The following ITPR3 variants were observed in gnomAD, a reference collection of about 807,000 sequenced individuals.
The protein encoded by ITPR3 is inositol 1,4,5-trisphosphate-gated calcium channel ITPR3.
In ITPR3, 173 loss-of-function variants were observed where a neutral mutation model predicts 293.2. The observed-to-expected ratio is 0.59, with a 90% CI of 0.52 to 0.67. The LOEUF is 0.67. Among genes scored for constraint, ITPR3 ranks in the 30% least tolerant of loss-of-function variants. The pLI is 0.00. For missense variants in ITPR3, 2,796 were observed against 3,592.1 expected, an observed-to-expected ratio of 0.78 and a Z score of 5.66; for synonymous variants, 1,295 against 1,444.4, an observed-to-expected ratio of 0.90 and a Z score of 2.35.
chr6:33,690,140 G>C lies in ITPR3; in HGVS notation c.6974G>C (p.Gly2325Ala), dbSNP rs1436838600. The C allele has an allele frequency of 1.9e-6, 3 of 1,614,118 alleles. No individual in the cohort carries two copies. The South Asian group carries it at 3.3e-5, about 18-fold the overall frequency. ...VMDMEFLYHVGYILTSVLGLF... is the reference protein window; with the variant it reads ...VMDMEFLYHVAYILTSVLGLF... The stretch of plus-strand genomic sequence containing the variant: ...GACATGGAATTCCTCTACCACGTGG[G>C]CTACATCCTGACCAGTGTCCTGGGC... The change falls in exon 51 of 58, where the codon GGC (glycine) becomes GCC (alanine). Residue 2325 changes from glycine to alanine, a missense_variant. Physicochemically the swap from Gly to Ala is moderately conservative, Grantham distance 60. Around this residue, in one of 8 missense-constraint regions of ITPR3, gnomAD observed 568 missense variants for 796.1 expected, o/e 0.71. Coordinates refer to ENST00000605930, the MANE Select transcript of ITPR3 (RefSeq NM_002224.4).
rs754842346 is a variant in ITPR3 at position 33,675,724 on chromosome 6, G to C, written c.3150G>C (p.Glu1050Asp). ...KTSSMLEVDD[E>D]GGRMFLRVLI... ...GCAGCATGCTGGAGGTGGATGACGA[G>C]GGCGGCCGCATGTTCCTGCGCGTGC... Residue 1050 changes from glutamate to aspartate, a missense_variant, in exon 25 of 58, where the codon GAG (glutamate) becomes GAC (aspartate). Physicochemically the swap from Glu to Asp is conservative, Grantham distance 45. This residue lies in a region of ITPR3 where 955 missense variants were observed against 1,180.8 expected (regional missense o/e 0.81). Transcript: ENST00000605930. The surrounding 1 kb of genome is among the most constrained non-coding windows in gnomAD (Gnocchi z 5.0). 1 of 1,610,594 alleles carries C rather than the reference G, an allele frequency of 6.2e-7. No individual in the cohort carries two copies. The highest frequency in any genetic ancestry group is 1.3e-5 in the African/African-American group (1 of 74,900).
At chr6:33,671,425 G>A (rs935595420) in intron 21 of ITPR3, 119 bp downstream of exon 21, 14 of 702,348 alleles carry the variant, frequency 2.0e-5, no homozygotes, top group Admixed American at 1.1e-4. Context: ...ACCTGGCTCT[G>A]CCTCAAGGGG....
chr6:33,686,661 A>AGTGTGTG, intron 43 of ITPR3, 142 bp downstream of exon 43: 1 of 708,544 alleles, frequency 1.4e-6, no homozygotes. Flanking sequence ...TGGATGCACA[A>AGTGTGTG]GTGTGTGGTG....
Position 33,621,689 on chromosome 6 carries a change from G to A in ITPR3, c.87G>A (p.Leu29=), listed in dbSNP as rs766074329. Residue 29 remains leucine, a splice_region_variant and synonymous_variant, in exon 1 of 58, where the codon TTG becomes TTA. Coordinates refer to ENST00000605930, the MANE Select transcript of ITPR3 (RefSeq NM_002224.4). The surrounding 1 kb of genome is among the most constrained non-coding windows in gnomAD (Gnocchi z 7.7). ...EGSVNGFIST[L]GLVDDRCVVE... ...CCGTCAATGGCTTCATCAGCACTTT[G>A]GGGTGAGTGAGCCGAGCTCGAGAGG... The A allele has an allele frequency of 1.9e-5, 31 of 1,604,696 alleles. No individual in the cohort carries two copies. The highest frequency in any genetic ancestry group is 2.6e-5 in the Non-Finnish European group (31 of 1,175,498).
Position 33,688,423 on chromosome 6 carries a change from A to T in ITPR3, c.6560A>T (p.Lys2187Met). The change falls in exon 48 of 58, where the codon AAG becomes ATG. Residue 2187 changes from lysine to methionine, a missense_variant. Lys to Met is a moderately conservative substitution (Grantham distance 95). Transcript: ENST00000605930. ...CACAACGAGATGGAGTGGCAGCGCA[A>T]GCTCCGCAGTGAGGACCCACGGGCG... ...FLHNEMEWQR[K>M]LRSMPLIYWF... 1.1e-6 allele frequency: 1 copy of T among 899,478 alleles called. No homozygotes were observed. Among genetic ancestry groups the T allele is most frequent in the Non-Finnish European group, 1.6e-6 (1 of 629,006 alleles). The allele number at this position is 899,478 out of a possible 1,614,324, so 55.7% of individuals were successfully genotyped here.
At chr6:33,628,495 G>A (rs781601630) in intron 1 of ITPR3, among the ~76,000 whole-genome samples, 5 of 152,242 alleles carry the variant, frequency 3.3e-5, no homozygotes, top group Admixed American at 6.5e-5. Flanking sequence ...CACGCAGCAG[G>A]GGACTGAGAA....
In ITPR3 at chr6:33,664,857, C is replaced by T. The variant is rs1195412065; in HGVS notation, c.1149-13C>T. On this transcript the variant is annotated splice_polypyrimidine_tract_variant and intron_variant, in intron 11 of 57. Transcript: ENST00000605930. This position sits in a 1 kb window ranked among gnomAD's most constrained non-coding sequence, Gnocchi z 4.4. ...TGCACTCCCCGAGTCCTTTCCCTCC[C>T]ACCCACCTGCAGGAACTCGTACGTC... 21 of 1,612,304 alleles carry T rather than the reference C, an allele frequency of 1.3e-5. No individual in the cohort carries two copies. Among genetic ancestry groups the T allele is most frequent in the Non-Finnish European group, 1.8e-5 (21 of 1,179,246 alleles).
Position 33,686,141 on chromosome 6 carries a change from C to T in ITPR3, c.5756C>T (p.Thr1919Met), listed in dbSNP as rs764285037. The T allele has an allele frequency of 1.2e-6, 2 of 1,614,156 alleles. No individual in the cohort carries two copies. Among genetic ancestry groups the T allele is most frequent in the Non-Finnish European group, 1.7e-6 (2 of 1,180,016 alleles). ...CTGGACATCATGTGCGGCAGCACCACGGGCGGCCTGGGGCTGCTGGGGCTC... is the reference window on the plus strand; with the variant it reads ...CTGGACATCATGTGCGGCAGCACCATGGGCGGCCTGGGGCTGCTGGGGCTC... ...QFLDIMCGST[T>M]GGLGLLGLYI... Residue 1919 changes from threonine (T) to methionine (M), a missense_variant, in exon 42 of 58, where the codon ACG becomes ATG. Physicochemically the swap from Thr to Met is moderately conservative, Grantham distance 81. Around this residue, in one of 8 missense-constraint regions of ITPR3, gnomAD observed 704 missense variants for 797.5 expected, o/e 0.88. Coordinates refer to ENST00000605930, the MANE Select transcript of ITPR3 (RefSeq NM_002224.4).
At position 33,670,619 on chromosome 6, in the gene ITPR3, C is replaced by T. The variant is rs376585567; in HGVS notation, c.2441+43C>T. On this transcript the variant is annotated intron_variant, in intron 19 of 57. Coordinates refer to ENST00000605930, the MANE Select transcript of ITPR3 (RefSeq NM_002224.4). The surrounding 1 kb of genome is among the most constrained non-coding windows in gnomAD (Gnocchi z 6.7). Reference sequence around the variant, plus strand: ...AGGGTGGGCGGGGCAGGGGCAGAGGCTGGAGTGGGTGTATCTCGGGGACCT... The same window carrying T: ...AGGGTGGGCGGGGCAGGGGCAGAGGTTGGAGTGGGTGTATCTCGGGGACCT... The T allele has an allele frequency of 1.1e-5, 18 of 1,612,610 alleles. No individual in the cohort carries two copies. Among genetic ancestry groups the T allele is most frequent in the Non-Finnish European group, 1.3e-5 (15 of 1,179,420 alleles).
In ITPR3 at chr6:33,666,086, C is replaced by T. The variant is rs368664854; in HGVS notation, c.1551+110C>T. 6.6e-5 allele frequency: 85 copies of T among 1,290,710 alleles called. No homozygotes were observed. The South Asian group carries it at 1.0e-3, about 16-fold the overall frequency. 80.0% of individuals were successfully genotyped at this position (1,290,710 alleles called of 1,614,324 possible). ...AACAAAAATCAGTATATATGGGGCA[C>T]GACCACGTGCCAGGGACTTCCCTAA... On this transcript the variant is annotated intron_variant, in intron 14 of 57. Coordinates refer to ENST00000605930, the MANE Select transcript of ITPR3 (RefSeq NM_002224.4). This position sits in a 1 kb window ranked among gnomAD's most constrained non-coding sequence, Gnocchi z 5.1.
At chr6:33,660,097 G>A (rs1764423899) in intron 7 of ITPR3, among the ~76,000 whole-genome samples, 1 of 152,152 alleles carries the variant, frequency 6.6e-6, no homozygotes, top group African/African-American at 2.4e-5. Context: ...AGCTGTCTGG[G>A]GCCACCAGAG....
chr6:33,635,008 A>G (rs1763785266), intron 1 of ITPR3, among the ~76,000 whole-genome samples: 1 of 151,570 alleles, frequency 6.6e-6, no homozygotes, highest in South Asian at 2.1e-4. Context: ...CAGCTGCACA[A>G]CCTCCATGCT....
At chr6:33,669,829 C>A (rs1764709306) in intron 18 of ITPR3, among the ~76,000 whole-genome samples, 1 of 152,226 alleles carries the variant, frequency 6.6e-6, no homozygotes, top group Admixed American at 6.5e-5. Context: ...AGGGCCCACA[C>A]CCAGGCTATC....
At chr6:33,656,312 G>A (rs1253753117) in intron 3 of ITPR3, among the ~76,000 whole-genome samples, 1 of 152,118 alleles carries the variant, frequency 6.6e-6, no homozygotes, top group African/African-American at 2.4e-5. Context: ...GCACAGCCCT[G>A]TGCCAGGGTG....
chr6:33,661,295 G>A (rs1171042120), intron 7 of ITPR3, among the ~76,000 whole-genome samples: 2 of 152,250 alleles, frequency 1.3e-5, no homozygotes, highest in African/African-American at 2.4e-5. Flanking sequence ...GATAGCAAGA[G>A]TGGCAGCCAT....
At chr6:33,694,893 G>A (rs1001361425) in intron 56 of ITPR3, 31 bp from the exon 57 acceptor site, 36 of 1,613,740 alleles carry the variant, frequency 2.2e-5, no homozygotes, top group African/African-American at 6.7e-5. Context: ...CCGGGCCCAC[G>A]CCTGCTTAAC....
chr6:33,695,175 C>CCCACTGG, intron 57 of ITPR3, 90 bp downstream of exon 57: 1 of 1,415,906 alleles, frequency 7.1e-7, no homozygotes, highest in Non-Finnish European at 9.7e-7. Context: ...CACCCTCTTC[C>CCCACTGG]CCACTGGCCT....
rs1764365980 is a variant in ITPR3, at chr6:33,658,341, C to A, written c.369+323C>A. ...GCAAGTTACCTAACGTCCCCTGGCG[C>A]CTTGGTTTCCCCATCTGTGAAATCA... On this transcript the variant is annotated intron_variant, in intron 4 of 57. Transcript: ENST00000605930. This position sits in a 1 kb window ranked among gnomAD's most constrained non-coding sequence, Gnocchi z 6.1. 6.6e-6 allele frequency among the ~76,000 whole-genome samples: 1 copy of A among 151,592 alleles called. No individual in the cohort carries two copies. The highest frequency in any genetic ancestry group is 2.4e-5 in the African/African-American group (1 of 40,852).
At chr6:33,685,972 G>A (rs1765219080) in intron 41 of ITPR3, 81 bp from the exon 42 acceptor site, 1 of 1,550,920 alleles carries the variant, frequency 6.4e-7, no homozygotes, top group Admixed American at 1.7e-5. Context: ...TACCCCTGCA[G>A]CACACAAGAT....
Sources: allele counts gnomAD v4.1 joint callset (sites outside exome capture counted in the v4.1 genomes callset), GRCh38; gene constraint gnomAD v4.1.1; regional missense constraint gnomAD v4.1.1; non-coding constraint Gnocchi (gnomAD v3.1); transcripts MANE v1.5; gene names NCBI Gene and HGNC (gene_info 2026-07-23, HGNC 2026-07-21).